SWAP70: variants seen among roughly 807,000 people sequenced by gnomAD.
The protein encoded by SWAP70 is switching B cell complex subunit SWAP70, also known as switch-associated protein 70.
SWAP70 carries 34 observed loss-of-function variants against 80.2 expected under a neutral mutation model. That is an observed-to-expected ratio of 0.42 (90% CI 0.32 to 0.56). The LOEUF (loss-of-function observed/expected upper bound fraction) is 0.56, where lower values mean the gene tolerates loss of function less well. SWAP70 is among the 20% of genes least tolerant of loss of function. The probability of loss-of-function intolerance (pLI) is 0.09; values close to 1 mark genes in which losing one functional copy is unlikely to be tolerated. For missense variants in SWAP70, 578 were observed against 690.7 expected (o/e 0.84, Z 1.83); for synonymous variants, 239 against 238.5 (o/e 1.00, Z -0.02).
intron 6 of SWAP70, among the ~76,000 whole-genome samples, chr11:9,729,678 G>A (rs1241652355): frequency 6.6e-6 from 1 of 152,060 alleles, no homozygotes; most frequent in Non-Finnish European, 1.5e-5. Context: ...AATTTTAGTA[G>A]AGACGGGGTT....
Position 9,732,535 on chromosome 11 carries a change from AT to A in SWAP70, c.907del (p.Ser303LeufsTer6). ...KKKQEWIQAI[H>X]STIHLLKLGS... ...CCTCCTACACCTTTTACAGCCATTC[AT>A]TCTACTATTCATCTGTTGAAGCTGG... is the stretch of plus-strand genomic sequence containing the variant. On this transcript the variant is annotated frameshift_variant, in exon 7 of 12. Coordinates refer to ENST00000318950, the MANE Select transcript of SWAP70 (RefSeq NM_015055.4). LOFTEE classifies it high-confidence loss of function. The A allele has an allele frequency of 6.2e-7, 1 of 1,604,726 alleles. No homozygotes were observed. Among genetic ancestry groups the A allele is most frequent in the Non-Finnish European group, 8.5e-7 (1 of 1,174,844 alleles).
At chr11:9,734,899 A>ACC (rs1851344543) in intron 7 of SWAP70, among the ~76,000 whole-genome samples, 1 of 152,210 alleles carries the variant, frequency 6.6e-6, no homozygotes, top group African/African-American at 2.4e-5. Flanking sequence ...TGCTGGGATT[A>ACC]CAGGAATGAG....
intron 1 of SWAP70, among the ~76,000 whole-genome samples, chr11:9,671,519 T>C (rs1163144415): frequency 1.6e-5 from 1 of 63,546 alleles, no homozygotes; most frequent in African/African-American, 4.9e-5. Flanking sequence ...TAAATATATA[T>C]ATAAATATAT....
chr11:9,723,464 T>C (rs1447690641), intron 3 of SWAP70, among the ~76,000 whole-genome samples: 2 of 152,162 alleles, frequency 1.3e-5, no homozygotes, highest in East Asian at 1.9e-4. Context: ...CCCACAGTTT[T>C]CAAACTTATT....
rs397803134 is a variant in SWAP70, at chr11:9,742,899, T to TA, written c.1355+2554dup. 4.3e-3 allele frequency among the ~76,000 whole-genome samples: 642 copies of TA among 149,834 alleles called. 2 individuals carry two copies. Among genetic ancestry groups the TA allele is most frequent in the South Asian group, 8.9e-3 (42 of 4,722 alleles). On this transcript the variant is annotated intron_variant, in intron 9 of 11. Transcript: ENST00000318950. The stretch of plus-strand genomic sequence containing the variant: ...CTTCTCACTCCTTTTTTTTTTTTTT[T>TA]AATTTTATTATTATTATACTTTAAG...
At chr11:9,719,249 A>G (rs1224371549) in intron 3 of SWAP70, among the ~76,000 whole-genome samples, 3 of 152,062 alleles carry the variant, frequency 2.0e-5, no homozygotes, top group South Asian at 2.1e-4. Context: ...TGCAAAAAAT[A>G]TAAAAAATTA....
intron 2 of SWAP70, among the ~76,000 whole-genome samples, chr11:9,704,359 A>G (rs1158274143): frequency 6.8e-6 from 1 of 146,332 alleles, no homozygotes; most frequent in Admixed American, 6.8e-5. Context: ...GAGGACCTGC[A>G]TCTTCCCTCT....
At position 9,724,717 on chromosome 11, in the gene SWAP70, A is replaced by G. The variant is rs1443437685; in HGVS notation, c.474A>G (p.Gln158=). Residue 158 remains glutamine, a synonymous_variant, in exon 4 of 12, where the codon CAA becomes CAG. Coordinates refer to ENST00000318950, the MANE Select transcript of SWAP70 (RefSeq NM_015055.4). ...EAMGGGWQQE[Q]FEHYKINFDD... The stretch of plus-strand genomic sequence containing the variant: ...TGGGAGGAGGTTGGCAGCAAGAACA[A>G]TTTGAACATTATAAAATCAACTTTG... 6.2e-7 allele frequency: 1 copy of G among 1,614,186 alleles called. No homozygotes were observed. Among genetic ancestry groups the G allele is most frequent in the Admixed American group, 1.7e-5 (1 of 60,032 alleles).
chr11:9,694,438 G>A (rs929265271), intron 2 of SWAP70, 152 bp downstream of exon 2: 99 of 925,618 alleles, frequency 1.1e-4, no homozygotes, highest in Middle Eastern at 3.5e-4. Flanking sequence ...GAGACTGACA[G>A]TGCTTCCTAT....
At chr11:9,743,815 T>G (rs2133818389) in intron 9 of SWAP70, among the ~76,000 whole-genome samples, 1 of 152,316 alleles carries the variant, frequency 6.6e-6, no homozygotes, top group South Asian at 2.1e-4. Flanking sequence ...ATTCGTGGAA[T>G]ATTTGGAATC....
intron 1 of SWAP70, among the ~76,000 whole-genome samples, chr11:9,687,775 G>A (rs1850650343): frequency 6.6e-6 from 1 of 152,150 alleles, no homozygotes; most frequent in South Asian, 2.1e-4. Flanking sequence ...ACTGAAGGAT[G>A]CAGAAGGAAA....
At chr11:9,681,400 A>G (rs1850566666) in intron 1 of SWAP70, among the ~76,000 whole-genome samples, 1 of 152,204 alleles carries the variant, frequency 6.6e-6, no homozygotes, top group Non-Finnish European at 1.5e-5. Flanking sequence ...TATGGCTAAT[A>G]TATGTTTATT....
chr11:9,735,053 G>A (rs867482831), intron 7 of SWAP70, among the ~76,000 whole-genome samples: 1 of 152,128 alleles, frequency 6.6e-6, no homozygotes, highest in Non-Finnish European at 1.5e-5. Context: ...TTTACTTAAA[G>A]AATTTACTTA....
At chr11:9,686,670 G>A (rs1453225776) in intron 1 of SWAP70, among the ~76,000 whole-genome samples, 1 of 152,028 alleles carries the variant, frequency 6.6e-6, no homozygotes, top group African/African-American at 2.4e-5. Context: ...CTTAAGCATT[G>A]TGTTAGGGTC....
rs1238269418 is a variant in SWAP70, at chr11:9,747,852, T to C, written c.1356-6T>C. The C allele has an allele frequency of 1.2e-6, 2 of 1,613,298 alleles. No individual in the cohort carries two copies. The highest frequency in any genetic ancestry group is 2.2e-5 in the East Asian group (1 of 44,876). On this transcript the variant is annotated splice_polypyrimidine_tract_variant and splice_region_variant and intron_variant, in intron 9 of 11. Transcript: ENST00000318950. ...ATTTGATCTGGAGCTTTCCTCCACATTGTAGGTTGTTGGAGGAAGAGTCTT... is the reference window on the plus strand; with the variant it reads ...ATTTGATCTGGAGCTTTCCTCCACACTGTAGGTTGTTGGAGGAAGAGTCTT...
At chr11:9,703,386 T>G in intron 2 of SWAP70, 2 of 456,304 alleles carry the variant, frequency 4.4e-6, no homozygotes, top group Non-Finnish European at 8.8e-6. Flanking sequence ...GCCTTCTCTC[T>G]GTTCCCCAGA....
chr11:9,709,479 G>C (rs1299752857), intron 2 of SWAP70, among the ~76,000 whole-genome samples: 1 of 152,106 alleles, frequency 6.6e-6, no homozygotes, highest in African/African-American at 2.4e-5. Context: ...TGTGAACTTT[G>C]TAAATGTACA....
intron 3 of SWAP70, among the ~76,000 whole-genome samples, chr11:9,717,813 T>C (rs1462200992): frequency 6.6e-6 from 1 of 151,930 alleles, no homozygotes; most frequent in African/African-American, 2.4e-5. Flanking sequence ...TTTGGTGGAC[T>C]TGAAAGTGAC....
Position 9,747,850 on chromosome 11 carries a change from C to T in SWAP70, c.1356-8C>T. On this transcript the variant is annotated splice_polypyrimidine_tract_variant and splice_region_variant and intron_variant, in intron 9 of 11. Coordinates refer to ENST00000318950, the MANE Select transcript of SWAP70 (RefSeq NM_015055.4). ...GGATTTGATCTGGAGCTTTCCTCCACATTGTAGGTTGTTGGAGGAAGAGTC... is the reference window on the plus strand; with the variant it reads ...GGATTTGATCTGGAGCTTTCCTCCATATTGTAGGTTGTTGGAGGAAGAGTC... 1.2e-6 allele frequency: 2 copies of T among 1,613,694 alleles called. No homozygotes were observed. Among genetic ancestry groups the T allele is most frequent in the Non-Finnish European group, 1.7e-6 (2 of 1,179,638 alleles).
Sources: allele counts gnomAD v4.1 joint callset (sites outside exome capture counted in the v4.1 genomes callset), GRCh38; gene constraint gnomAD v4.1.1; transcripts MANE v1.5; gene names NCBI Gene and HGNC (gene_info 2026-07-23, HGNC 2026-07-21).